The following MBP variants were observed in gnomAD, a reference collection of about 807,000 sequenced individuals.
MBP encodes the protein myelin basic protein.
A neutral mutation model predicts 35.8 loss-of-function variants in MBP; 16 were observed. That is an observed-to-expected ratio of 0.45 (90% CI 0.30 to 0.68). MBP has a LOEUF of 0.68. Among genes scored for constraint, MBP ranks in the 30% least tolerant of loss-of-function variants. The probability of loss-of-function intolerance (pLI) is 0.08; values close to 1 mark genes in which losing one functional copy is unlikely to be tolerated. For missense variants in MBP, 380 were observed against 404.7 expected (o/e 0.94, Z 0.52); for synonymous variants, 143 against 159.6 (o/e 0.90, Z 0.78).
chr18:77,079,677 C>T lies in MBP; in HGVS notation c.52-13292G>A, dbSNP rs529588709. On this transcript the variant is annotated intron_variant, in intron 2 of 8. Coordinates refer to ENST00000355994, the MANE Select transcript of MBP (RefSeq NM_001025101.2). ...TAAATAATAAATATTATTCCTATTC[C>T]TTCATTTAGGAATATTAAAAACTTC... 7.9e-5 allele frequency among the ~76,000 whole-genome samples: 12 copies of T among 152,086 alleles called. No individual in the cohort carries two copies. The East Asian group carries it at 2.3e-3, about 29-fold the overall frequency.
chr18:76,979,629 T>G lies in MBP; in HGVS notation c.*798A>C. 1 of 364,412 alleles carries G rather than the reference T, an allele frequency of 2.7e-6. No homozygotes were observed. The allele number at this position is 364,412 out of a possible 1,614,324, so 22.6% of individuals were successfully genotyped here. A position where few individuals can be genotyped will look rare whatever the true frequency, so the allele number is the denominator to read the frequency against. On this transcript the variant is annotated 3_prime_UTR_variant, in exon 9 of 9. Transcript: ENST00000355994. ...CATAGAGGCTGCTCTGGGGCCACCA[T>G]GCAGGGCAACGGTGACGTCCAGAGG...
chr18:77,115,943 C>G (rs1475186429), intron 1 of MBP, among the ~76,000 whole-genome samples: 1 of 150,916 alleles, frequency 6.6e-6, no homozygotes, highest in South Asian at 2.1e-4. Context: ...GAAGACCTGG[C>G]TCTGAGCTGT....
chr18:77,118,377 C>A (rs1014216564), intron 1 of MBP, among the ~76,000 whole-genome samples: 1 of 151,902 alleles, frequency 6.6e-6, no homozygotes, highest in Non-Finnish European at 1.5e-5. Flanking sequence ...GGCTTTGCAC[C>A]CAGCAGTTGG....
Position 76,980,338 on chromosome 18 carries a change from CTAAT to C in MBP, c.*85_*88del, listed in dbSNP as rs376051570. The C allele has an allele frequency of 2.7e-5, 34 of 1,244,700 alleles. No individual in the cohort carries two copies. The African/African-American group carries it at 4.4e-4, about 16-fold the overall frequency. The allele number at this position is 1,244,700 out of a possible 1,614,324, so 77.1% of individuals were successfully genotyped here. A position where few individuals can be genotyped will look rare whatever the true frequency, so the allele number is the denominator to read the frequency against. On this transcript the variant is annotated 3_prime_UTR_variant, in exon 9 of 9. Coordinates refer to ENST00000355994, the MANE Select transcript of MBP (RefSeq NM_001025101.2). ...GGCATTAGGGGAGGGGTCATCTGCT[CTAAT>C]TAGGTAACAGGGGCAAGTGGGATTA...
intron 2 of MBP, among the ~76,000 whole-genome samples, chr18:77,074,254 G>T (rs1482910465): frequency 1.3e-5 from 2 of 151,940 alleles, no homozygotes; most frequent in African/African-American, 2.4e-5. Flanking sequence ...TGCTGATGGT[G>T]GGGTCAGAAG....
intron 7 of MBP, chr18:76,985,714 TGTG>T: frequency 2.0e-6 from 2 of 1,012,472 alleles, no homozygotes; most frequent in Non-Finnish European, 2.4e-6. Flanking sequence ...CATCCGGCTG[TGTG>T]GCCTTGGGCA....
chr18:77,088,406 T>G (rs1437711489), intron 2 of MBP, among the ~76,000 whole-genome samples: 1 of 152,200 alleles, frequency 6.6e-6, no homozygotes, highest in Non-Finnish European at 1.5e-5. Context: ...ATTGTCACGT[T>G]GGGTGCTAGG....
intron 1 of MBP, among the ~76,000 whole-genome samples, chr18:77,119,660 G>A (rs1001061613): frequency 1.3e-5 from 2 of 152,168 alleles, no homozygotes; most frequent in African/African-American, 4.8e-5. Context: ...ACCACCTGGT[G>A]AGCCCCAGGG....
intron 3 of MBP, among the ~76,000 whole-genome samples, chr18:77,051,194 C>T (rs1973474534): frequency 6.6e-6 from 1 of 152,124 alleles, no homozygotes; most frequent in African/African-American, 2.4e-5. Flanking sequence ...GAAATGATTG[C>T]ATTGTAGCCT....
chr18:76,996,076 C>T lies in MBP; in HGVS notation c.577-6016G>A, dbSNP rs115205535. Among the ~76,000 whole-genome samples the T allele has an allele frequency of 8.1e-3, 1,239 of 152,268 alleles. 15 individuals carry two copies. The highest frequency in any genetic ancestry group is 0.029 in the African/African-American group (1,201 of 41,536). ...AGAGGACGTAGGGAGGGTGAATAAG[C>T]AGATGAAAAGATGTTCAGCATCATC... On this transcript the variant is annotated intron_variant, in intron 4 of 8. Transcript: ENST00000355994.
At chr18:77,114,635 T>C (rs930773459) in intron 1 of MBP, 1 of 152,276 alleles carries the variant, frequency 6.6e-6, no homozygotes, top group Non-Finnish European at 1.5e-5. Context: ...TGACAAGCCA[T>C]GCCAACACCG....
chr18:77,059,235 A>G (rs1274556257), intron 3 of MBP, among the ~76,000 whole-genome samples: 1 of 152,210 alleles, frequency 6.6e-6, no homozygotes, highest in Admixed American at 6.5e-5. Flanking sequence ...GTTCAATCAT[A>G]TGGAATATTA....
intron 3 of MBP, among the ~76,000 whole-genome samples, chr18:77,056,697 C>T (rs116910911): frequency 0.026 from 4,014 of 152,282 alleles, 91 homozygotes; most frequent in Non-Finnish European, 0.039. Context: ...TCTCCTACTG[C>T]AATAGTCTGG....
chr18:77,122,792 C>T (rs1416525116), intron 1 of MBP, among the ~76,000 whole-genome samples: 9 of 152,202 alleles, frequency 5.9e-5, no homozygotes, highest in Non-Finnish European at 1.2e-4. Context: ...ATCCTCCCGC[C>T]TCGGCCTCCC....
At chr18:77,080,888 G>T (rs1379858023) in intron 2 of MBP, among the ~76,000 whole-genome samples, 13 of 152,030 alleles carry the variant, frequency 8.6e-5, no homozygotes, top group Non-Finnish European at 1.9e-4. Flanking sequence ...TCACCATGTT[G>T]GCCAGGCTGG....
chr18:77,024,190 C>G (rs1358508707), intron 3 of MBP, among the ~76,000 whole-genome samples: 1 of 152,202 alleles, frequency 6.6e-6, no homozygotes, highest in Non-Finnish European at 1.5e-5. Flanking sequence ...GCCCAGGATG[C>G]CTTTGAACGC....
At chr18:77,014,618 A>G (rs1022433763) in intron 4 of MBP, 2 of 985,354 alleles carry the variant, frequency 2.0e-6, no homozygotes, top group African/African-American at 3.5e-5. Flanking sequence ...AGCCCACCCA[A>G]TGAATACCCC....
chr18:77,054,848 C>G (rs34568117), intron 3 of MBP, among the ~76,000 whole-genome samples: 47,080 of 151,958 alleles, frequency 0.31, 8,940 homozygotes, highest in Admixed American at 0.4. Flanking sequence ...GGTAATGTCA[C>G]CATGCACACA....
chr18:76,998,059 G>A (rs1568275655), intron 4 of MBP, among the ~76,000 whole-genome samples: 1 of 152,192 alleles, frequency 6.6e-6, no homozygotes, highest in African/African-American at 2.4e-5. Context: ...ATTTTTAAGT[G>A]TGCAATTCAG....
Sources: gnomAD v4.1 joint callset for allele counts (sites outside exome capture counted in the v4.1 genomes callset) on GRCh38, gnomAD v4.1.1 for gene constraint, MANE v1.5 for transcripts, NCBI Gene and HGNC (gene_info 2026-07-23, HGNC 2026-07-21) for gene names.